The following FNBP1L variants were observed in gnomAD, a reference collection of about 807,000 sequenced individuals.
FNBP1L encodes the protein formin binding protein 1 like.
Under a neutral mutation model 91.2 loss-of-function variants are expected in FNBP1L, and 36 were observed. The ratio of observed to expected loss-of-function variants is 0.39; its 90% CI spans 0.30 to 0.52. The LOEUF (loss-of-function observed/expected upper bound fraction) is 0.52, where lower values mean the gene tolerates loss of function less well. Among genes scored for constraint, FNBP1L ranks in the 20% least tolerant of loss-of-function variants. The pLI, the probability that FNBP1L is intolerant of heterozygous loss-of-function variation, is 0.66. For missense variants in FNBP1L, 571 were observed against 732.1 expected (o/e 0.78, Z 2.54); for synonymous variants, 242 against 237.0 (o/e 1.02, Z -0.19).
At chr1:93,521,007 A>G (rs936604118) in intron 2 of FNBP1L, among the ~76,000 whole-genome samples, 5 of 151,928 alleles carry the variant, frequency 3.3e-5, no homozygotes. Context: ...GCCCCACTGC[A>G]CTCCAGCCTG....
At chr1:93,529,190 G>T (rs1671590930) in intron 5 of FNBP1L, among the ~76,000 whole-genome samples, 1 of 151,592 alleles carries the variant, frequency 6.6e-6, no homozygotes, top group African/African-American at 2.4e-5. Flanking sequence ...CTGAAGATGA[G>T]GACTTATATT....
At chr1:93,459,177 T>A (rs1668774265) in intron 1 of FNBP1L, among the ~76,000 whole-genome samples, 1 of 152,084 alleles carries the variant, frequency 6.6e-6, no homozygotes, top group Non-Finnish European at 1.5e-5. Flanking sequence ...CCAAGAATTG[T>A]TTGAACCCAG....
rs569701255 is a variant in FNBP1L, at chr1:93,533,259, T to C, written c.786+191T>C. On this transcript the variant is annotated intron_variant, in intron 8 of 16. Transcript: ENST00000271234. ...TCTACATGCAAAAGTTCTAATTCTT[T>C]CTTAAAAAAAAAAAAAAGATTTCTA... Among the ~76,000 whole-genome samples the C allele has an allele frequency of 2.0e-5, 3 of 150,732 alleles. No individual in the cohort carries two copies. In the East Asian group the frequency reaches 5.8e-4, roughly 29 times the overall value.
chr1:93,472,582 G>A (rs1669329035), intron 1 of FNBP1L, among the ~76,000 whole-genome samples: 1 of 151,892 alleles, frequency 6.6e-6, no homozygotes, highest in African/African-American at 2.4e-5. Context: ...GGAGGCTGAG[G>A]TGGGTGGATC....
chr1:93,497,177 T>C (rs2101722911), intron 1 of FNBP1L, among the ~76,000 whole-genome samples: 1 of 152,000 alleles, frequency 6.6e-6, no homozygotes, highest in South Asian at 2.1e-4. Flanking sequence ...TTAGCCAGGA[T>C]GGTCTCGATC....
In FNBP1L at chr1:93,517,109, A is replaced by ACTGCATGCTCCAAT. The variant is rs1331994589; in HGVS notation, c.141-4973_141-4972insCTGCATGCTCCAAT. On this transcript the variant is annotated intron_variant, in intron 2 of 16. Coordinates refer to ENST00000271234, the MANE Select transcript of FNBP1L (RefSeq NM_001164473.3). ...GGTTGGAGTGCAGTGGCACAATCTC[A>ACTGCATGCTCCAAT]GCTCACTGCATGCAACCTCCGCTTT... 3.5e-5 allele frequency among the ~76,000 whole-genome samples: 5 copies of ACTGCATGCTCCAAT among 144,464 alleles called. No individual in the cohort carries two copies. In the East Asian group the frequency reaches 1.0e-3, roughly 30 times the overall value. 94.8% of individuals were successfully genotyped at this position (144,464 alleles called of 152,430 possible). A position where few individuals can be genotyped will look rare whatever the true frequency, so the allele number is the denominator to read the frequency against.
chr1:93,485,166 A>G (rs1298377254), intron 1 of FNBP1L, among the ~76,000 whole-genome samples: 1 of 151,550 alleles, frequency 6.6e-6, no homozygotes, highest in Non-Finnish European at 1.5e-5. Flanking sequence ...AAAAAAAAAA[A>G]AAGGAAAGAA....
rs148407248 is a variant in FNBP1L, at chr1:93,522,817, C to T, written c.195-527C>T. On this transcript the variant is annotated intron_variant, in intron 3 of 16. Transcript: ENST00000271234. ...TTTGTTTCTCTCCTTCCCTCACACACGTTTTTACCCTTATTTTTGACCCTT... is the reference window on the plus strand; with the variant it reads ...TTTGTTTCTCTCCTTCCCTCACACATGTTTTTACCCTTATTTTTGACCCTT... Among the ~76,000 whole-genome samples the T allele has an allele frequency of 1.4e-4, 21 of 152,256 alleles. No individual in the cohort carries two copies. In the East Asian group the frequency reaches 3.5e-3, roughly 25 times the overall value.
chr1:93,470,872 CAAA>C (rs560465033), intron 1 of FNBP1L, among the ~76,000 whole-genome samples: 3 of 76,258 alleles, frequency 3.9e-5, no homozygotes, highest in Non-Finnish European at 2.6e-5. Flanking sequence ...GACTCCATCT[CAAA>C]AAAAAAAAAA....
At chr1:93,551,214 C>A (rs1477942829) in intron 16 of FNBP1L, 109 bp downstream of exon 16, 1 of 1,389,606 alleles carries the variant, frequency 7.2e-7, no homozygotes, top group East Asian at 2.5e-5. Context: ...AATAAGGAAA[C>A]TTAAAGGGCA....
intron 12 of FNBP1L, among the ~76,000 whole-genome samples, chr1:93,545,603 G>GA (rs1672195792): frequency 6.6e-6 from 1 of 152,142 alleles, no homozygotes; most frequent in Admixed American, 6.5e-5. Flanking sequence ...CAGTTATTGA[G>GA]AGAAGGGGTA....
intron 5 of FNBP1L, among the ~76,000 whole-genome samples, chr1:93,527,100 C>T (rs1045488629): frequency 3.2e-4 from 49 of 152,218 alleles, no homozygotes; most frequent in African/African-American, 1.1e-3. Context: ...ATAAAGCCTA[C>T]ATTTAAATAA....
intron 15 of FNBP1L, among the ~76,000 whole-genome samples, chr1:93,550,015 T>C (rs1288708529): frequency 1.3e-5 from 2 of 152,198 alleles, no homozygotes; most frequent in African/African-American, 2.4e-5. Context: ...TTTTAGTTCC[T>C]CTTTATCCTG....
intron 2 of FNBP1L, among the ~76,000 whole-genome samples, chr1:93,516,158 C>G (rs1361712896): frequency 1.3e-5 from 2 of 151,786 alleles, no homozygotes; most frequent in Non-Finnish European, 2.9e-5. Context: ...TACCACAGAG[C>G]ATTGTGGGAT....
chr1:93,465,217 A>G (rs1432652767), intron 1 of FNBP1L, among the ~76,000 whole-genome samples: 1 of 147,880 alleles, frequency 6.8e-6, no homozygotes, highest in Non-Finnish European at 1.5e-5. Flanking sequence ...CTTTTTTATT[A>G]TTATACTTTA....
chr1:93,493,862 T>C (rs1337001620), intron 1 of FNBP1L, among the ~76,000 whole-genome samples: 1 of 152,212 alleles, frequency 6.6e-6, no homozygotes, highest in Non-Finnish European at 1.5e-5. Context: ...GTGAAAGACG[T>C]ACACTATTAG....
chr1:93,510,649 A>C (rs1400760771), intron 2 of FNBP1L, among the ~76,000 whole-genome samples: 1 of 152,200 alleles, frequency 6.6e-6, no homozygotes, highest in Non-Finnish European at 1.5e-5. Flanking sequence ...AGATGATGAA[A>C]TTACTCCAAG....
At chr1:93,529,181 T>C (rs1365375334) in intron 5 of FNBP1L, among the ~76,000 whole-genome samples, 2 of 151,980 alleles carry the variant, frequency 1.3e-5, no homozygotes, top group African/African-American at 4.8e-5. Flanking sequence ...AAAGTCCTCC[T>C]GAAGATGAGG....
intron 1 of FNBP1L, among the ~76,000 whole-genome samples, chr1:93,451,548 G>T (rs1379454189): frequency 6.6e-6 from 1 of 152,118 alleles, no homozygotes; most frequent in African/African-American, 2.4e-5. Context: ...ATTTATAAGT[G>T]CATATAAATC....
Sources: gnomAD v4.1 joint callset for allele counts (sites outside exome capture counted in the v4.1 genomes callset) on GRCh38, gnomAD v4.1.1 for gene constraint, MANE v1.5 for transcripts, NCBI Gene and HGNC (gene_info 2026-07-23, HGNC 2026-07-21) for gene names.